Variants in POGLUT2 observed in about 807,000 individuals in gnomAD.
POGLUT2 encodes ER protein 58.
A neutral mutation model predicts 57.6 loss-of-function variants in POGLUT2; 47 were observed. That is an observed-to-expected ratio of 0.82 (90% CI 0.65 to 1.04). The LOEUF is 1.04. Among genes scored for constraint, POGLUT2 ranks in the 50% least tolerant of loss-of-function variants. POGLUT2 has a pLI of 0.00. For missense variants in POGLUT2, 565 were observed against 614.8 expected (o/e 0.92, Z 0.86); for synonymous variants, 200 against 218.8 (o/e 0.91, Z 0.76).
chr13:102,796,113 G>A (rs1388888981), intron 2 of POGLUT2, among the ~76,000 whole-genome samples: 1 of 151,802 alleles, frequency 6.6e-6, no homozygotes, highest in Non-Finnish European at 1.5e-5. Context: ...TGGTCAACAT[G>A]GTGAAATCCT....
In POGLUT2 at chr13:102,798,931, A is replaced by G. The variant is rs1014872078; in HGVS notation, c.-261T>C. 19 of 438,350 alleles carry G rather than the reference A, an allele frequency of 4.3e-5. No homozygotes were observed. Among genetic ancestry groups the G allele is most frequent in the Non-Finnish European group, 6.8e-5 (17 of 249,248 alleles). The allele number at this position is 438,350 out of a possible 1,614,324, so 27.2% of individuals were successfully genotyped here. ...GAGAACCGCGCTGCTCCTCTCTCTCAGGACAATGATGAACTTGAGTTGCTC... is the reference window on the plus strand; with the variant it reads ...GAGAACCGCGCTGCTCCTCTCTCTCGGGACAATGATGAACTTGAGTTGCTC... On this transcript the variant is annotated 5_prime_UTR_variant, in exon 1 of 10. Coordinates refer to ENST00000376004, the MANE Select transcript of POGLUT2 (RefSeq NM_024089.3).
chr13:102,789,033 C>T lies in POGLUT2; in HGVS notation c.1272G>A (p.Trp424Ter). The change falls in exon 7 of 10, where the codon TGG becomes TGA. Residue 424 changes from tryptophan to a stop codon, truncating the protein, a stop_gained. Transcript: ENST00000376004. LOFTEE classifies it high-confidence loss of function. ...TTACCTCTTCATCGTGATCTTTCGC[C>T]CATTTAAGTTTTTCTAGCAGATCGC... ...NLSDLLEKLKWAKDHDEEAKK... is the reference protein window; with the variant it reads ...NLSDLLEKLK 1 of 1,613,932 alleles carries T rather than the reference C, an allele frequency of 6.2e-7. No individual in the cohort carries two copies.
At position 102,798,744 on chromosome 13, in the gene POGLUT2, T is replaced by C; in HGVS notation, c.-74A>G. The C allele has an allele frequency of 7.1e-7, 1 of 1,403,130 alleles. No individual in the cohort carries two copies. Among genetic ancestry groups the C allele is most frequent in the South Asian group, 1.5e-5 (1 of 67,310 alleles). The allele number at this position is 1,403,130 out of a possible 1,614,324, so 86.9% of individuals were successfully genotyped here. A position where few individuals can be genotyped will look rare whatever the true frequency, so the allele number is the denominator to read the frequency against. ...AGAGGTGGACAGAAGCAGCCGAGCC[T>C]TCGGCAGGGACCCGCCGGCCGATCG... is the stretch of plus-strand genomic sequence containing the variant. On this transcript the variant is annotated 5_prime_UTR_variant, in exon 1 of 10. Transcript: ENST00000376004.
intron 9 of POGLUT2, among the ~76,000 whole-genome samples, chr13:102,784,749 C>T (rs1877866717): frequency 6.6e-6 from 1 of 152,106 alleles, no homozygotes; most frequent in South Asian, 2.1e-4. Flanking sequence ...ACTGTAAAGG[C>T]CTCATGTTAT....
chr13:102,798,829 C>G lies in POGLUT2; in HGVS notation c.-159G>C. The G allele has an allele frequency of 1.5e-6, 1 of 681,658 alleles. No individual in the cohort carries two copies. Among genetic ancestry groups the G allele is most frequent in the South Asian group, 2.1e-5 (1 of 47,204 alleles). The allele number at this position is 681,658 out of a possible 1,614,324, so 42.2% of individuals were successfully genotyped here. On this transcript the variant is annotated 5_prime_UTR_variant, in exon 1 of 10. Transcript: ENST00000376004. ...GCGTGCAGGGCAGGCGCGCGGGTCT[C>G]CGCGACCCCAGGACAATCAAAGCCC...
intron 2 of POGLUT2, among the ~76,000 whole-genome samples, chr13:102,794,629 T>C (rs939659073): frequency 5.3e-5 from 8 of 152,148 alleles, no homozygotes; most frequent in African/African-American, 1.9e-4. Context: ...TGTGCCACTG[T>C]GCTCCAGCTT....
chr13:102,786,302 C>T lies in POGLUT2; in HGVS notation c.1421G>A (p.Arg474Gln), dbSNP rs143926182. ...ANLQVSEPQIREGMKRVEPQT... is the reference protein window; with the variant it reads ...ANLQVSEPQIQEGMKRVEPQT... ...TGGTTCTACCCTTTTCATGCCCTCT[C>T]GGATTTGGGGCTCACTCACTTGTAA... The change falls in exon 9 of 10, where the codon CGA becomes CAA. Residue 474 changes from arginine (R) to glutamine (Q), a missense_variant. Physicochemically the swap from Arg to Gln is conservative, Grantham distance 43. Coordinates refer to ENST00000376004, the MANE Select transcript of POGLUT2 (RefSeq NM_024089.3). 3.9e-4 allele frequency: 623 copies of T among 1,613,856 alleles called. No homozygotes were observed. The highest frequency in any genetic ancestry group is 8.3e-4 in the Middle Eastern group (5 of 6,060).
chr13:102,796,908 C>G lies in POGLUT2; in HGVS notation c.284G>C (p.Gly95Ala), dbSNP rs1248346040. 1 of 1,611,076 alleles carries G rather than the reference C, an allele frequency of 6.2e-7. No homozygotes were observed. Among genetic ancestry groups the G allele is most frequent in the Non-Finnish European group, 8.5e-7 (1 of 1,177,540 alleles). ...VGVQVLDRKD[G>A]SFIVRYRMYA... ...CATTCTGTATCTTACTATGAAGGAC[C>G]CATCTTTTCGGTCTAAAACCTGGAC... Residue 95 changes from glycine to alanine, a missense_variant, in exon 2 of 10, where the codon GGG becomes GCG. Physicochemically the swap from Gly to Ala is moderately conservative, Grantham distance 60. Transcript: ENST00000376004.
At position 102,796,802 on chromosome 13, in the gene POGLUT2, A is replaced by C. The variant is rs771056549; in HGVS notation, c.388+2T>G. 1.3e-6 allele frequency: 2 copies of C among 1,513,526 alleles called. No homozygotes were observed. The highest frequency in any genetic ancestry group is 4.5e-5 in the East Asian group (2 of 44,144). The allele number at this position is 1,513,526 out of a possible 1,614,324, so 93.8% of individuals were successfully genotyped here. ...CTGTTATAAAATTATATTCCAAATT[A>C]CCTTTTAAAATATATGGGGATTTGG... On this transcript the variant is annotated splice_donor_variant, in intron 2 of 9. Transcript: ENST00000376004. LOFTEE classifies it high-confidence loss of function.
chr13:102,795,120 C>T (rs1049429609), intron 2 of POGLUT2, among the ~76,000 whole-genome samples: 12 of 151,384 alleles, frequency 7.9e-5, no homozygotes, highest in South Asian at 4.2e-4. Flanking sequence ...GGTGTTGTGG[C>T]GCGTCCCTGT....
Position 102,791,102 on chromosome 13 carries a change from C to T in POGLUT2, c.882G>A (p.Thr294=), listed in dbSNP as rs1267596670. 9.9e-6 allele frequency: 16 copies of T among 1,614,004 alleles called. No individual in the cohort carries two copies. Among genetic ancestry groups the T allele is most frequent in the African/African-American group, 2.7e-5 (2 of 74,906 alleles). The change falls in exon 6 of 10, where the codon ACG becomes ACA. Residue 294 remains threonine, a synonymous_variant. Transcript: ENST00000376004. ...AATTTTTGCTTTCCCAGGGAGGACC[C>T]GTGTTAGCTTGCACGGACATCATAT... ...SLDMMSVQAN[T]GPPWESKNST... is the part of the protein sequence containing the mutation.
chr13:102,793,460 C>T (rs199931443), intron 3 of POGLUT2, 42 bp from the exon 4 acceptor site: 79 of 1,372,846 alleles, frequency 5.8e-5, no homozygotes, highest in Non-Finnish European at 6.3e-5. Flanking sequence ...TCTAAAGACG[C>T]TGGCAGACTT....
chr13:102,793,475 G>T, intron 3 of POGLUT2, 57 bp from the exon 4 acceptor site: 1 of 1,336,410 alleles, frequency 7.5e-7, no homozygotes, highest in South Asian at 1.2e-5. Context: ...AGACTTCACT[G>T]AGGAAAAGCT....
At chr13:102,786,198 C>T (rs781564260) in intron 9 of POGLUT2, 34 bp downstream of exon 9, 2 of 1,389,116 alleles carry the variant, frequency 1.4e-6, no homozygotes, top group East Asian at 2.3e-5. Context: ...TTAGTTTTTA[C>T]TCTGACACCG....
At position 102,798,655 on chromosome 13, in the gene POGLUT2, G is replaced by T; in HGVS notation, c.16C>A (p.Leu6Ile). ...GTCGCCAGAAAGAAGCAATAAAGTA[G>T]CAAAGTGCCAAACATTTACAAGACG... MFGTL[L>I]LYCFFLATVP... is the part of the protein sequence containing the mutation. Residue 6 changes from leucine (L) to isoleucine (I), a missense_variant, in exon 1 of 10, where the codon CTA becomes ATA. Leu to Ile is a conservative substitution (Grantham distance 5, BLOSUM62 2). Transcript: ENST00000376004. The T allele has an allele frequency of 6.2e-7, 1 of 1,600,082 alleles. No homozygotes were observed. The highest frequency in any genetic ancestry group is 1.1e-5 in the South Asian group (1 of 89,216).
intron 2 of POGLUT2, 105 bp downstream of exon 2, chr13:102,796,699 A>T (rs9300763): frequency 0.083 from 12,458 of 150,680 alleles, 663 homozygotes; most frequent in African/African-American, 0.16. Context: ...AAAAAAAAAA[A>T]ATATATATAT....
chr13:102,791,913 A>C, intron 4 of POGLUT2: 1 of 991,344 alleles, frequency 1.0e-6, no homozygotes, highest in Non-Finnish European at 1.4e-6. Context: ...TAAAGAGGAT[A>C]TGTTTTATCT....
intron 7 of POGLUT2, among the ~76,000 whole-genome samples, chr13:102,788,362 CCAGACTGGCCATCTTA>C (rs985780447): frequency 6.6e-6 from 1 of 152,214 alleles, no homozygotes; most frequent in African/African-American, 2.4e-5. Flanking sequence ...GTGACTTCTG[CCAGACTGGCCATCTTA>C]CAATTTTCAC....
chr13:102,784,708 A>T (rs1169781907), intron 9 of POGLUT2, among the ~76,000 whole-genome samples, 196 bp from the exon 10 acceptor site: 2 of 152,226 alleles, frequency 1.3e-5, no homozygotes, highest in African/African-American at 4.8e-5. Context: ...TAGCCTACTG[A>T]TAAGGAACCC....
Sources: allele counts gnomAD v4.1 joint callset (sites outside exome capture counted in the v4.1 genomes callset), GRCh38; gene constraint gnomAD v4.1.1; transcripts MANE v1.5; gene names NCBI Gene and HGNC (gene_info 2026-07-23, HGNC 2026-07-21).